ZP3: variants seen among roughly 807,000 people sequenced by gnomAD.
ZP3 encodes the protein zona pellucida glycoprotein 3, also known as zona pellucida sperm-binding protein 3.
Under a neutral mutation model 35.6 loss-of-function variants are expected in ZP3, and 21 were observed. The ratio of observed to expected loss-of-function variants is 0.59; its 90% CI spans 0.42 to 0.85. ZP3 has a LOEUF of 0.85. ZP3 is among the 40% of genes least tolerant of loss of function. The probability of loss-of-function intolerance (pLI) is 0.00; values close to 1 mark genes in which losing one functional copy is unlikely to be tolerated. For missense variants in ZP3, 437 were observed against 536.5 expected (o/e 0.81, Z 1.83); for synonymous variants, 207 against 214.5 (o/e 0.96, Z 0.31).
intron 1 of ZP3, chr7:76,400,540 A>C (rs745651709): frequency 1.5e-5 from 23 of 1,552,434 alleles, no homozygotes; most frequent in Non-Finnish European, 2.0e-5. Context: ...GCCACCGTGC[A>C]TGACTTCCAG....
At chr7:76,430,207 C>A (rs1805787675) in intron 2 of ZP3, among the ~76,000 whole-genome samples, 1 of 152,088 alleles carries the variant, frequency 6.6e-6, no homozygotes, top group East Asian at 1.9e-4. Flanking sequence ...GATACTCCAT[C>A]GCAAAAAATA....
chr7:76,417,788 AT>A (rs1442105957), intron 1 of ZP3, among the ~76,000 whole-genome samples: 1 of 147,056 alleles, frequency 6.8e-6, no homozygotes, highest in Non-Finnish European at 1.5e-5. Context: ...ATTTTACTTT[AT>A]TTCTTGCAGA....
At chr7:76,405,342 T>TC (rs1254961705) in intron 1 of ZP3, among the ~76,000 whole-genome samples, 202 of 85,756 alleles carry the variant, frequency 2.4e-3, no homozygotes, top group African/African-American at 4.3e-3. Context: ...TTTCTTTCTT[T>TC]TTTTTTTTTT....
chr7:76,402,531 C>T, intron 1 of ZP3, among the ~76,000 whole-genome samples: 1 of 152,002 alleles, frequency 6.6e-6, no homozygotes, highest in African/African-American at 2.4e-5. Context: ...GTTGCCCAGG[C>T]TGGTCTCGAA....
chr7:76,439,147 A>AC (rs1171377399), intron 5 of ZP3, among the ~76,000 whole-genome samples: 57 of 140,786 alleles, frequency 4.0e-4, no homozygotes, highest in Non-Finnish European at 6.8e-4. Context: ...AAAAAAAAAA[A>AC]AAAACCTCTT....
rs144048482 is a variant in ZP3, at chr7:76,432,991, T to G, written c.496T>G (p.Ser166Ala). 20 of 1,614,008 alleles carry G rather than the reference T, an allele frequency of 1.2e-5. No homozygotes were observed. Among genetic ancestry groups the G allele is most frequent in the Middle Eastern group, 1.6e-4 (1 of 6,084 alleles). Residue 166 changes from serine to alanine, a missense_variant, in exon 3 of 8, where the codon TCA becomes GCA. Ser to Ala is a moderately conservative substitution (Grantham distance 99). Transcript: ENST00000394857. ...TWLPFRTTVF[S>A]EEKLTFSLRL... Reference sequence around the variant, plus strand: ...GTTGCCCTTCAGGACCACGGTGTTCTCAGAGGAGAAGCTGACTTTCTCTCT... The same window carrying G: ...GTTGCCCTTCAGGACCACGGTGTTCGCAGAGGAGAAGCTGACTTTCTCTCT...
At position 76,433,018 on chromosome 7, in the gene ZP3, C is replaced by G. The variant is rs372042157; in HGVS notation, c.523C>G (p.Arg175Gly). The G allele has an allele frequency of 6.2e-7, 1 of 1,613,530 alleles. No individual in the cohort carries two copies. ...FSEEKLTFSLRLMEENWNAEK... is the reference protein window; with the variant it reads ...FSEEKLTFSLGLMEENWNAEK... ...AGAGGAGAAGCTGACTTTCTCTCTG[C>G]GTCTGATGGAGGGTAAGAGAAGAAG... Residue 175 changes from arginine to glycine, a missense_variant, in exon 3 of 8, where the codon CGT becomes GGT. By Grantham distance (125) the Arg-to-Gly change is moderately radical (BLOSUM62 -2). This residue lies in a region of ZP3 where 352 missense variants were observed against 308.4 expected (regional missense o/e 1.14). Transcript: ENST00000394857.
At chr7:76,426,082 CA>C (rs368396750) in intron 1 of ZP3, among the ~76,000 whole-genome samples, 15,255 of 121,704 alleles carry the variant, frequency 0.13, 778 homozygotes, top group Middle Eastern at 0.26. Flanking sequence ...GACTCTGGCT[CA>C]AAAAAAAAAA....
At chr7:76,403,692 C>T (rs35416619) in intron 1 of ZP3, among the ~76,000 whole-genome samples, 27,551 of 151,462 alleles carry the variant, frequency 0.18, 2,720 homozygotes, top group South Asian at 0.25. Context: ...GACAGAGTCT[C>T]GCTCTGTCAC....
chr7:76,418,255 A>G (rs1805420781), intron 1 of ZP3, among the ~76,000 whole-genome samples: 1 of 152,028 alleles, frequency 6.6e-6, no homozygotes, highest in African/African-American at 2.4e-5. Flanking sequence ...TAAAACACCT[A>G]CTGAATATCT....
intron 1 of ZP3, among the ~76,000 whole-genome samples, chr7:76,406,843 C>T (rs1374095818): frequency 6.6e-6 from 1 of 151,552 alleles, no homozygotes; most frequent in Non-Finnish European, 1.5e-5. Context: ...TTGTAAGCAG[C>T]GTTTAGTCTC....
chr7:76,421,865 T>C (rs1805511051), upstream of ZP3, among the ~76,000 whole-genome samples: 1 of 151,968 alleles, frequency 6.6e-6, no homozygotes, highest in African/African-American at 2.4e-5. Flanking sequence ...TCCTTCATCA[T>C]CTCCTGATAG....
intron 1 of ZP3, among the ~76,000 whole-genome samples, chr7:76,398,530 C>T (rs1449367461): frequency 6.6e-6 from 1 of 151,476 alleles, no homozygotes; most frequent in Non-Finnish European, 1.5e-5. Context: ...GTCTGGAGCT[C>T]CCAACCTCAA....
At chr7:76,421,597 A>G (rs7787789), upstream of ZP3, among the ~76,000 whole-genome samples, 1,003 of 151,316 alleles carry the variant, frequency 6.6e-3, 16 homozygotes, top group African/African-American at 0.023. Context: ...ACACACATAT[A>G]TATGTATAAT....
intron 1 of ZP3, among the ~76,000 whole-genome samples, chr7:76,414,398 A>G (rs117220358): frequency 6.6e-6 from 1 of 152,108 alleles, no homozygotes; most frequent in Non-Finnish European, 1.5e-5. Context: ...TTTTCCTGAC[A>G]TGAGAAGCTG....
At chr7:76,415,142 G>A (rs59323349) in intron 1 of ZP3, among the ~76,000 whole-genome samples, 23,200 of 151,382 alleles carry the variant, frequency 0.15, 2,037 homozygotes, top group Middle Eastern at 0.21. Flanking sequence ...TTGGAAGGCC[G>A]AGGTGGGCGG....
chr7:76,406,031 G>C (rs138142908), intron 1 of ZP3, among the ~76,000 whole-genome samples: 2 of 150,790 alleles, frequency 1.3e-5, no homozygotes, highest in Non-Finnish European at 2.9e-5. Context: ...TGTCGTCCAG[G>C]CTGGAATGCA....
chr7:76,432,593 G>A (rs1224267954), intron 2 of ZP3, among the ~76,000 whole-genome samples: 1 of 152,116 alleles, frequency 6.6e-6, no homozygotes, highest in Admixed American at 6.6e-5. Flanking sequence ...TGGGATTACA[G>A]GCATGAGCCA....
At chr7:76,404,368 A>G (rs1042700302) in intron 1 of ZP3, 1 of 1,613,752 alleles carries the variant, frequency 6.2e-7, no homozygotes, top group Non-Finnish European at 8.5e-7. Flanking sequence ...CAGCACTCCC[A>G]TCTCCCAACC....
Sources: gnomAD v4.1 joint callset for allele counts (sites outside exome capture counted in the v4.1 genomes callset) on GRCh38, gnomAD v4.1.1 for gene constraint, gnomAD v4.1.1 regional missense constraint, MANE v1.5 for transcripts, NCBI Gene and HGNC (gene_info 2026-07-23, HGNC 2026-07-21) for gene names.